The following MGMT variants were observed in gnomAD, a reference collection of about 807,000 sequenced individuals.
MGMT encodes O-6-methylguanine-DNA methyltransferase, also known as methylated-DNA--protein-cysteine methyltransferase.
A neutral mutation model predicts 15.9 loss-of-function variants in MGMT; 14 were observed. The ratio of observed to expected loss-of-function variants is 0.88; its 90% CI spans 0.58 to 1.37. MGMT has a LOEUF of 1.37. Among genes scored for constraint, MGMT ranks in the 40% most tolerant of loss-of-function variants. MGMT has a pLI of 0.00. For synonymous variants in MGMT, 130 were observed against 118.2 expected (o/e 1.10, Z -0.65); for missense variants, 282 against 268.1 (o/e 1.05, Z -0.36).
chr10:129,530,172 GGATTACGGGTGTGA>G lies in MGMT; in HGVS notation c.-12-6067_-12-6054del, dbSNP rs551095860. ...CCTGCCTCGGCCTGCCAAAGTTCTG[GGATTACGGGTGTGA>G]GCCACCATGACTGGCCCAGATTGGA... On this transcript the variant is annotated intron_variant, in intron 1 of 4. Coordinates refer to ENST00000651593, the MANE Select transcript of MGMT (RefSeq NM_002412.5). 4.6e-3 allele frequency among the ~76,000 whole-genome samples: 698 copies of G among 152,192 alleles called. 6 individuals are homozygous for G. The highest frequency in any genetic ancestry group is 0.016 in the African/African-American group (657 of 41,506).
At chr10:129,592,859 A>C (rs1436337917) in intron 2 of MGMT, among the ~76,000 whole-genome samples, 1 of 152,212 alleles carries the variant, frequency 6.6e-6, no homozygotes, top group Non-Finnish European at 1.5e-5. Flanking sequence ...GATAACATGA[A>C]ATCAGTTCAT....
At chr10:129,467,691 C>G (rs887426830) in intron 1 of MGMT, among the ~76,000 whole-genome samples, 1 of 152,222 alleles carries the variant, frequency 6.6e-6, no homozygotes, top group Non-Finnish European at 1.5e-5. Flanking sequence ...CTTGCAGCAA[C>G]CCTTTAGCAT....
chr10:129,542,054 G>T (rs1410644641), intron 2 of MGMT, among the ~76,000 whole-genome samples: 1 of 152,210 alleles, frequency 6.6e-6, no homozygotes, highest in Non-Finnish European at 1.5e-5. Context: ...TTGAACCTGG[G>T]AGGAGAGTTG....
intron 4 of MGMT, among the ~76,000 whole-genome samples, chr10:129,762,198 G>A (rs942034667): frequency 2.0e-5 from 3 of 152,172 alleles, no homozygotes; most frequent in East Asian, 1.9e-4. Context: ...GCTGAGACTC[G>A]CTCATTGAAA....
intron 2 of MGMT, among the ~76,000 whole-genome samples, chr10:129,553,024 T>C (rs1846175440): frequency 1.3e-5 from 2 of 152,206 alleles, no homozygotes; most frequent in South Asian, 4.1e-4. Context: ...GTGGGAAAAT[T>C]AATGACATAG....
At chr10:129,567,602 C>A (rs1397722130) in intron 2 of MGMT, among the ~76,000 whole-genome samples, 1 of 152,062 alleles carries the variant, frequency 6.6e-6, no homozygotes, top group African/African-American at 2.4e-5. Flanking sequence ...GGAAAAAAAA[C>A]CTCCTGGAGT....
intron 2 of MGMT, among the ~76,000 whole-genome samples, chr10:129,543,803 C>T (rs911763597): frequency 6.6e-6 from 1 of 152,184 alleles, no homozygotes; most frequent in African/African-American, 2.4e-5. Context: ...CAAACTTGTT[C>T]ATTTCATTTA....
At chr10:129,471,589 G>A (rs961795379) in intron 1 of MGMT, among the ~76,000 whole-genome samples, 4 of 152,068 alleles carry the variant, frequency 2.6e-5, no homozygotes, top group Middle Eastern at 3.2e-3. Flanking sequence ...CGTAAAGTGG[G>A]ATCTTCACAG....
chr10:129,706,769 G>A (rs1380622901), intron 2 of MGMT, among the ~76,000 whole-genome samples: 1 of 152,086 alleles, frequency 6.6e-6, no homozygotes, highest in Non-Finnish European at 1.5e-5. Context: ...TCCCCTTCAG[G>A]GCCATGTCCT....
chr10:129,760,802 G>T (rs1003072812), intron 4 of MGMT, among the ~76,000 whole-genome samples: 1 of 152,152 alleles, frequency 6.6e-6, no homozygotes, highest in Non-Finnish European at 1.5e-5. Flanking sequence ...ATACCACAGG[G>T]ACAGCCACCA....
chr10:129,630,115 G>C lies in MGMT; in HGVS notation c.126-77780G>C, dbSNP rs143738472. Among the ~76,000 whole-genome samples, 32 of 152,314 alleles carry C rather than the reference G, an allele frequency of 2.1e-4. No individual in the cohort carries two copies. The Middle Eastern group carries it at 0.01, about 49-fold the overall frequency. The stretch of plus-strand genomic sequence containing the variant: ...TAATCGCGTGCGTCTCCAGTCTGTG[G>C]CTGGCCAGCCGCGTCCACCTGCGTG... On this transcript the variant is annotated intron_variant, in intron 2 of 4. Transcript: ENST00000651593.
intron 3 of MGMT, among the ~76,000 whole-genome samples, chr10:129,755,827 A>G (rs1354450279): frequency 1.3e-5 from 2 of 152,190 alleles, no homozygotes; most frequent in Non-Finnish European, 2.9e-5. Flanking sequence ...GGAGAGATGG[A>G]CACCCAGGAT....
intron 2 of MGMT, among the ~76,000 whole-genome samples, chr10:129,561,340 G>A (rs1456949919): frequency 1.3e-5 from 2 of 152,112 alleles, no homozygotes; most frequent in Admixed American, 1.3e-4. Flanking sequence ...GACGGCGAGC[G>A]AGGAGGTCGG....
At chr10:129,549,468 G>A (rs988203786) in intron 2 of MGMT, among the ~76,000 whole-genome samples, 8 of 152,170 alleles carry the variant, frequency 5.3e-5, no homozygotes, top group African/African-American at 1.9e-4. Context: ...GATTTATGAA[G>A]TTCCTGAATT....
intron 2 of MGMT, chr10:129,700,470 T>C (rs533133369): frequency 1.3e-5 from 2 of 152,146 alleles, no homozygotes; most frequent in Non-Finnish European, 2.9e-5. Context: ...CCATGAAACA[T>C]CGGGGCCAAT....
At chr10:129,692,326 G>A (rs1006021138) in intron 2 of MGMT, among the ~76,000 whole-genome samples, 1 of 152,150 alleles carries the variant, frequency 6.6e-6, no homozygotes, top group Non-Finnish European at 1.5e-5. Context: ...AGAAAAGCTC[G>A]GGGCAGTATG....
At chr10:129,484,248 A>G (rs1257434805) in intron 1 of MGMT, among the ~76,000 whole-genome samples, 10 of 152,160 alleles carry the variant, frequency 6.6e-5, no homozygotes, top group Non-Finnish European at 1.0e-4. Flanking sequence ...TGAGGCTCCA[A>G]TTGCGCATGT....
intron 1 of MGMT, among the ~76,000 whole-genome samples, chr10:129,471,469 G>T (rs182076376): frequency 6.6e-6 from 1 of 152,004 alleles, no homozygotes; most frequent in Middle Eastern, 3.2e-3. Flanking sequence ...GTGGGCAGCC[G>T]GGGATATCAT....
At chr10:129,699,445 C>T (rs1450496567) in intron 2 of MGMT, among the ~76,000 whole-genome samples, 2 of 151,982 alleles carry the variant, frequency 1.3e-5, no homozygotes, top group Admixed American at 6.6e-5. Context: ...GAGGGCATAG[C>T]GTGCCGGTTA....
Sources: allele counts gnomAD v4.1 joint callset (sites outside exome capture counted in the v4.1 genomes callset), GRCh38; gene constraint gnomAD v4.1.1; transcripts MANE v1.5; gene names NCBI Gene and HGNC (gene_info 2026-07-23, HGNC 2026-07-21).